GAB2: variants seen among roughly 807,000 people sequenced by gnomAD.
GAB2 encodes GRB2 associated binding protein 2.
A neutral mutation model predicts 65.5 loss-of-function variants in GAB2; 26 were observed. The ratio of observed to expected loss-of-function variants is 0.40; its 90% confidence interval spans 0.29 to 0.55. The LOEUF (loss-of-function observed/expected upper bound fraction) is 0.55, where lower values mean the gene tolerates loss of function less well. Among genes scored for constraint, GAB2 ranks in the 20% least tolerant of loss-of-function variants. The pLI, the probability that GAB2 is intolerant of heterozygous loss-of-function variation, is 0.53. For missense variants in GAB2, 884 were observed against 875.8 expected (o/e 1.01, Z -0.12); for synonymous variants, 321 against 329.6 (o/e 0.97, Z 0.28).
intron 2 of GAB2, among the ~76,000 whole-genome samples, chr11:78,263,820 C>T (rs1001770063): frequency 6.6e-6 from 1 of 151,758 alleles, no homozygotes; most frequent in Non-Finnish European, 1.5e-5. Flanking sequence ...AGAAAGCCTA[C>T]AGTTCAGAGA....
At chr11:78,228,839 C>CG (rs1354516969) in intron 3 of GAB2, among the ~76,000 whole-genome samples, 1 of 76,422 alleles carries the variant, frequency 1.3e-5, no homozygotes, top group African/African-American at 5.1e-5. Flanking sequence ...ACGGGGGTGG[C>CG]GGGGGGAGCG....
intron 1 of GAB2, among the ~76,000 whole-genome samples, chr11:78,383,807 G>A (rs1203948796): frequency 1.3e-5 from 2 of 152,072 alleles, no homozygotes; most frequent in East Asian, 1.9e-4. Context: ...TAGTGAGTCA[G>A]GGTAAGGTCT....
intron 1 of GAB2, among the ~76,000 whole-genome samples, chr11:78,296,806 C>T (rs889654043): frequency 2.0e-5 from 3 of 152,218 alleles, no homozygotes; most frequent in Non-Finnish European, 4.4e-5. Flanking sequence ...TATTTATAAA[C>T]ATGAAATTTA....
At chr11:78,290,859 T>C (rs1033912737) in intron 1 of GAB2, among the ~76,000 whole-genome samples, 6 of 152,176 alleles carry the variant, frequency 3.9e-5, no homozygotes, top group Admixed American at 3.9e-4. Flanking sequence ...AGCAGGTCTC[T>C]TGGAAACTGG....
intron 1 of GAB2, among the ~76,000 whole-genome samples, chr11:78,377,137 A>G (rs1239685441): frequency 2.0e-5 from 3 of 152,154 alleles, no homozygotes; most frequent in African/African-American, 7.2e-5. Context: ...CAGAACTGTA[A>G]ACCAATTAAA....
chr11:78,283,185 T>C (rs1866377776), intron 1 of GAB2, among the ~76,000 whole-genome samples: 3 of 152,348 alleles, frequency 2.0e-5, no homozygotes, highest in African/African-American at 7.2e-5. Context: ...TCTTATTTCA[T>C]GAGAAAACAC....
intron 1 of GAB2, among the ~76,000 whole-genome samples, chr11:78,366,668 A>T (rs1856502499): frequency 1.3e-5 from 2 of 148,634 alleles, no homozygotes; most frequent in South Asian, 4.2e-4. Flanking sequence ...TTACCCTGCT[A>T]CCAAAGAGCA....
chr11:78,399,493 C>A (rs1030522855), intron 1 of GAB2, among the ~76,000 whole-genome samples: 4 of 152,150 alleles, frequency 2.6e-5, no homozygotes, highest in Non-Finnish European at 4.4e-5. Flanking sequence ...TATTTCCCAG[C>A]GACTGGCCAA....
intron 1 of GAB2, among the ~76,000 whole-genome samples, chr11:78,349,988 A>G (rs1043049026): frequency 2.0e-5 from 3 of 152,178 alleles, no homozygotes; most frequent in African/African-American, 7.2e-5. Context: ...GCTTCTTTTT[A>G]AAGGTAAAAG....
intron 1 of GAB2, among the ~76,000 whole-genome samples, chr11:78,320,955 A>G (rs1855712682): frequency 1.3e-5 from 2 of 152,100 alleles, no homozygotes; most frequent in Non-Finnish European, 2.9e-5. Context: ...GTAATGCAAA[A>G]GAGATATTTA....
At chr11:78,273,234 A>G (rs1229557015) in intron 2 of GAB2, among the ~76,000 whole-genome samples, 1 of 152,196 alleles carries the variant, frequency 6.6e-6, no homozygotes, top group Non-Finnish European at 1.5e-5. Flanking sequence ...AGAATGGTAG[A>G]TCCACTGACA....
At chr11:78,300,039 T>A (rs866170159) in intron 1 of GAB2, among the ~76,000 whole-genome samples, 21 of 152,142 alleles carry the variant, frequency 1.4e-4, no homozygotes, top group African/African-American at 5.1e-4. Flanking sequence ...GTATTTACCA[T>A]CTAACCACCA....
chr11:78,370,377 C>T (rs945252299), intron 1 of GAB2, among the ~76,000 whole-genome samples: 1 of 151,862 alleles, frequency 6.6e-6, no homozygotes, highest in Non-Finnish European at 1.5e-5. Flanking sequence ...TGGTAGTATT[C>T]AAATATTACC....
At chr11:78,280,136 C>T (rs1331054041) in intron 2 of GAB2, among the ~76,000 whole-genome samples, 8 of 152,194 alleles carry the variant, frequency 5.3e-5, no homozygotes, top group African/African-American at 1.9e-4. Context: ...AACACTGAAT[C>T]GTCAATAATC....
chr11:78,282,684 C>T (rs1326476413), intron 1 of GAB2, among the ~76,000 whole-genome samples: 3 of 152,090 alleles, frequency 2.0e-5, no homozygotes, highest in Non-Finnish European at 4.4e-5. Flanking sequence ...ACTACCACCA[C>T]CACCATTTTC....
chr11:78,414,990 G>C (rs942463770), intron 1 of GAB2, among the ~76,000 whole-genome samples: 6 of 152,122 alleles, frequency 3.9e-5, no homozygotes, highest in Non-Finnish European at 8.8e-5. Flanking sequence ...TCATGTCTCA[G>C]CCTCCTGAGT....
intron 1 of GAB2, among the ~76,000 whole-genome samples, chr11:78,285,859 T>C (rs1159448946): frequency 6.6e-6 from 1 of 152,240 alleles, no homozygotes; most frequent in East Asian, 1.9e-4. Context: ...TCCATTCATC[T>C]GAAGTGGACC....
intron 1 of GAB2, among the ~76,000 whole-genome samples, chr11:78,291,562 T>TTC (rs1565145594): frequency 4.8e-4 from 24 of 50,292 alleles, no homozygotes; most frequent in Non-Finnish European, 8.2e-4. Context: ...TTTCTTTTTC[T>TTC]TTTTTTTTTT....
intron 3 of GAB2, among the ~76,000 whole-genome samples, chr11:78,243,542 C>T (rs914414238): frequency 6.6e-6 from 1 of 151,232 alleles, no homozygotes; most frequent in African/African-American, 2.4e-5. Flanking sequence ...CAAAAAGGAT[C>T]ATTAAAGATG....
Sources: allele counts gnomAD v4.1 joint callset (sites outside exome capture counted in the v4.1 genomes callset), GRCh38; gene constraint gnomAD v4.1.1; transcripts MANE v1.5; gene names NCBI Gene and HGNC (gene_info 2026-07-23, HGNC 2026-07-21).